EAF2: variants seen among roughly 807,000 people sequenced by gnomAD.
The protein encoded by EAF2 is ELL associated factor 2, also known as ELL-associated factor 2.
EAF2 carries 29 observed loss-of-function variants against 29.4 expected under a neutral mutation model. The observed-to-expected ratio is 0.99, with a 90% confidence interval of 0.73 to 1.35. EAF2 has a LOEUF of 1.35. Among genes scored for constraint, EAF2 ranks in the 40% most tolerant of loss-of-function variants. EAF2 has a pLI of 0.00. For missense variants in EAF2, 292 were observed against 312.0 expected (o/e 0.94, Z 0.48); for synonymous variants, 103 against 102.5 (o/e 1.00, Z -0.03).
intron 3 of EAF2, among the ~76,000 whole-genome samples, chr3:121,856,184 C>A (rs554692343): frequency 6.6e-6 from 1 of 152,204 alleles, no homozygotes; most frequent in Admixed American, 6.5e-5. Context: ...TGAATGGAAA[C>A]TTTAGAAGTG....
chr3:121,861,939 T>C (rs1483475810), intron 4 of EAF2, among the ~76,000 whole-genome samples: 4 of 152,216 alleles, frequency 2.6e-5, no homozygotes, highest in Admixed American at 6.5e-5. Context: ...AAGCTTAGTG[T>C]GGCTGGATAT....
At chr3:121,840,515 A>AACAAAAAAAAC in intron 1 of EAF2, among the ~76,000 whole-genome samples, 1 of 97,892 alleles carries the variant, frequency 1.0e-5, no homozygotes, top group Non-Finnish European at 2.0e-5. Context: ...AAAAGAAAAA[A>AACAAAAAAAAC]AAAAAACGGG....
intron 4 of EAF2, among the ~76,000 whole-genome samples, chr3:121,868,189 A>G (rs1006749500): frequency 1.1e-4 from 16 of 152,248 alleles, no homozygotes; most frequent in Admixed American, 5.9e-4. Context: ...GCTGTTTATA[A>G]GAAATTAATG....
intron 4 of EAF2, 72 bp from the exon 5 acceptor site, chr3:121,872,465 A>G (rs1327724167): frequency 5.9e-6 from 7 of 1,177,954 alleles, no homozygotes; most frequent in African/African-American, 1.6e-5. Flanking sequence ...AAAAACTAAT[A>G]CATTCAATTT....
intron 1 of EAF2, among the ~76,000 whole-genome samples, chr3:121,841,958 A>C (rs1244196625): frequency 6.6e-6 from 1 of 152,064 alleles, no homozygotes; most frequent in Non-Finnish European, 1.5e-5. Context: ...GTGAGCTGAG[A>C]TCGCACCACT....
At chr3:121,857,948 C>T (rs1298153651) in intron 4 of EAF2, among the ~76,000 whole-genome samples, 1 of 152,158 alleles carries the variant, frequency 6.6e-6, no homozygotes, top group African/African-American at 2.4e-5. Flanking sequence ...CAGTAGTTTG[C>T]TCAGAATGAT....
intron 2 of EAF2, among the ~76,000 whole-genome samples, chr3:121,852,974 G>A (rs1393484051): frequency 6.6e-6 from 1 of 152,146 alleles, no homozygotes; most frequent in East Asian, 1.9e-4. Context: ...GTAAGTAGAT[G>A]TAGTTTATTA....
intron 1 of EAF2, among the ~76,000 whole-genome samples, chr3:121,842,797 C>A (rs541313584): frequency 6.6e-6 from 1 of 152,274 alleles, no homozygotes; most frequent in African/African-American, 2.4e-5. Context: ...TTATTTCCCT[C>A]AGTCCAAACC....
At chr3:121,844,414 T>C in intron 1 of EAF2, 39 bp from the exon 2 acceptor site, 1 of 1,235,568 alleles carries the variant, frequency 8.1e-7, no homozygotes, top group Non-Finnish European at 1.2e-6. Context: ...CCAAATATCA[T>C]TACATTTTAC....
intron 1 of EAF2, among the ~76,000 whole-genome samples, chr3:121,843,005 T>C (rs1361912744): frequency 6.6e-6 from 1 of 152,210 alleles, no homozygotes; most frequent in East Asian, 1.9e-4. Context: ...TAACTGTATC[T>C]TAAAATCTAG....
Position 121,872,704 on chromosome 3 carries a change from A to G in EAF2, c.652A>G (p.Thr218Ala). ...AGGGAATTGTGTCTCAGGACATCCT[A>G]CCATGACACAGTACAGGATTCCTGA... Reference protein sequence around the residue: ...DTGNCVSGHPTMTQYRIPDID... With the variant: ...DTGNCVSGHPAMTQYRIPDID... The change falls in exon 5 of 6, where the codon ACC (threonine) becomes GCC (alanine). Residue 218 changes from threonine (T) to alanine (A), a missense_variant. Coordinates refer to ENST00000273668, the MANE Select transcript of EAF2 (RefSeq NM_018456.6). 1.2e-6 allele frequency: 2 copies of G among 1,612,916 alleles called. No homozygotes were observed. Among genetic ancestry groups the G allele is most frequent in the Non-Finnish European group, 1.7e-6 (2 of 1,179,206 alleles).
rs77294316 is a variant in EAF2, at chr3:121,883,924, A to G, written c.737-2418A>G. ...AACCTTGACAGCATAAAGTCTAGAA[A>G]GGCAAAATGGAACTCTGAGTACGTT... On this transcript the variant is annotated intron_variant, in intron 5 of 5. Transcript: ENST00000273668. 5.9e-5 allele frequency among the ~76,000 whole-genome samples: 9 copies of G among 152,368 alleles called. No individual in the cohort carries two copies. In the East Asian group the frequency reaches 1.7e-3, roughly 29 times the overall value.
chr3:121,850,636 C>A (rs1708615882), intron 2 of EAF2, among the ~76,000 whole-genome samples: 1 of 152,098 alleles, frequency 6.6e-6, no homozygotes, highest in Non-Finnish European at 1.5e-5. Context: ...AGAATATCTT[C>A]ATGTCAAGAA....
At chr3:121,839,734 T>C (rs890670630) in intron 1 of EAF2, among the ~76,000 whole-genome samples, 3 of 152,194 alleles carry the variant, frequency 2.0e-5, no homozygotes, top group African/African-American at 7.2e-5. Flanking sequence ...AAAATAAGTT[T>C]AGAAGTGATT....
intron 4 of EAF2, among the ~76,000 whole-genome samples, chr3:121,862,889 T>G (rs1427858498): frequency 2.0e-5 from 3 of 152,184 alleles, no homozygotes; most frequent in Admixed American, 6.5e-5. Context: ...TGGATGTCCT[T>G]TCTGTTTGTT....
intron 4 of EAF2, among the ~76,000 whole-genome samples, chr3:121,862,376 C>T (rs1192951647): frequency 6.6e-6 from 1 of 152,094 alleles, no homozygotes; most frequent in Non-Finnish European, 1.5e-5. Flanking sequence ...TTTCTTTTTA[C>T]TCTTTTTACT....
intron 5 of EAF2, among the ~76,000 whole-genome samples, chr3:121,884,152 A>G (rs1382305587): frequency 6.6e-6 from 1 of 151,952 alleles, no homozygotes; most frequent in Non-Finnish European, 1.5e-5. Flanking sequence ...AGCCTGGCCA[A>G]CATGGTGAAA....
chr3:121,865,941 C>G (rs1708918161), intron 4 of EAF2, among the ~76,000 whole-genome samples: 1 of 152,184 alleles, frequency 6.6e-6, no homozygotes. Context: ...ACCTGCCCCC[C>G]TGCCCTATTA....
chr3:121,882,663 A>G (rs28760466), intron 5 of EAF2, among the ~76,000 whole-genome samples: 56,249 of 151,932 alleles, frequency 0.37, 11,116 homozygotes, highest in East Asian at 0.7. Context: ...AGGAAATCCA[A>G]AAGAATCAGC....
Sources: gnomAD v4.1 joint callset for allele counts (sites outside exome capture counted in the v4.1 genomes callset) on GRCh38, gnomAD v4.1.1 for gene constraint, MANE v1.5 for transcripts, NCBI Gene and HGNC (gene_info 2026-07-23, HGNC 2026-07-21) for gene names.